The following AOAH variants were observed in gnomAD, a reference collection of about 807,000 sequenced individuals.
AOAH encodes the protein acyloxyacyl hydrolase, also known as acyloxyacyl hydrolase (neutrophil).
Under a neutral mutation model 92.2 loss-of-function variants are expected in AOAH, and 64 were observed. The ratio of observed to expected loss-of-function variants is 0.69; its 90% CI spans 0.57 to 0.86. The LOEUF (loss-of-function observed/expected upper bound fraction) is 0.86. Among genes scored for constraint, AOAH ranks in the 40% least tolerant of loss-of-function variants. The probability of loss-of-function intolerance (pLI) is 0.00; values close to 1 mark genes in which losing one functional copy is unlikely to be tolerated. For missense variants in AOAH, 656 were observed against 694.6 expected, an observed-to-expected ratio of 0.94 and a Z score of 0.62; for synonymous variants, 263 against 254.5, an observed-to-expected ratio of 1.03 and a Z score of -0.32.
At chr7:36,659,327 C>G in intron 3 of AOAH, 62 bp from the exon 4 acceptor site, 1 of 1,363,882 alleles carries the variant, frequency 7.3e-7, no homozygotes, top group Non-Finnish European at 1.0e-6. Flanking sequence ...GAAACAGAAG[C>G]TACTGCAAAG....
intron 1 of AOAH, among the ~76,000 whole-genome samples, chr7:36,690,824 C>T (rs1797350386): frequency 6.6e-6 from 1 of 152,054 alleles, no homozygotes; most frequent in Non-Finnish European, 1.5e-5. Context: ...AGCAAATGGG[C>T]CCGAATAAAA....
chr7:36,600,436 G>C (rs1790471739), intron 11 of AOAH, among the ~76,000 whole-genome samples: 1 of 152,198 alleles, frequency 6.6e-6, no homozygotes, highest in South Asian at 2.1e-4. Context: ...GTTTTCTGTT[G>C]TTGAAAGAAT....
At chr7:36,666,973 TC>T (rs1389822822) in intron 3 of AOAH, among the ~76,000 whole-genome samples, 3 of 152,232 alleles carry the variant, frequency 2.0e-5, no homozygotes, top group Non-Finnish European at 4.4e-5. Flanking sequence ...GTTTTATGTC[TC>T]AGAATGTAAT....
chr7:36,555,586 T>G lies in AOAH; in HGVS notation c.1022-6111A>C, dbSNP rs372022023. On this transcript the variant is annotated intron_variant, in intron 13 of 20. Transcript: ENST00000617537. Reference sequence around the variant, plus strand: ...TACCAGTTCCTCCTTGTACCTCTGGTAGAATTCGGCTGTGAATCCATCTGG... The same window carrying G: ...TACCAGTTCCTCCTTGTACCTCTGGGAGAATTCGGCTGTGAATCCATCTGG... Among the ~76,000 whole-genome samples, 1,439 of 152,232 alleles carry G rather than the reference T, an allele frequency of 9.5e-3. 23 individuals are homozygous for G. The highest frequency in any genetic ancestry group is 0.032 in the African/African-American group (1,321 of 41,522).
intron 1 of AOAH, among the ~76,000 whole-genome samples, chr7:36,698,755 C>G (rs1413458207): frequency 1.3e-5 from 2 of 152,092 alleles, no homozygotes; most frequent in African/African-American, 4.8e-5. Flanking sequence ...AAAGATAAAT[C>G]AGTGTAATTG....
chr7:36,671,641 GCACGTGTT>G (rs1214456191), intron 3 of AOAH, among the ~76,000 whole-genome samples: 34 of 143,844 alleles, frequency 2.4e-4, no homozygotes, highest in African/African-American at 8.7e-4. Context: ...CTGTGTGTGT[GCACGTGTT>G]TGTGTGTGTG....
At position 36,533,700 on chromosome 7, in the gene AOAH, T is replaced by TG. The variant is rs767984630; in HGVS notation, c.1307-1357_1307-1356insC. Among the ~76,000 whole-genome samples, 735 of 136,502 alleles carry TG rather than the reference T, an allele frequency of 5.4e-3. 4 individuals are homozygous for TG. The highest frequency in any genetic ancestry group is 9.6e-3 in the Admixed American group (134 of 13,946). 89.6% of individuals were successfully genotyped at this position (136,502 alleles called of 152,430 possible). A position where few individuals can be genotyped will look rare whatever the true frequency, so the allele number is the denominator to read the frequency against. On this transcript the variant is annotated intron_variant, in intron 16 of 20. Transcript: ENST00000617537. ...GTGCGTGTGTGTGTGTGTGTGTGTG[T>TG]TTGTGTGTGTGTACTTTTTGTCATT...
Position 36,516,247 on chromosome 7 carries a change from TACC to T in AOAH, c.1600-2870_1600-2868del, listed in dbSNP as rs1783694064. 6.9e-6 allele frequency among the ~76,000 whole-genome samples: 1 copy of T among 144,078 alleles called. No individual in the cohort carries two copies. The highest frequency in any genetic ancestry group is 1.5e-5 in the Non-Finnish European group (1 of 66,128). 94.5% of individuals were successfully genotyped at this position (144,078 alleles called of 152,430 possible). On this transcript the variant is annotated intron_variant, in intron 20 of 20. Transcript: ENST00000617537. The surrounding 1 kb of genome is among the most constrained non-coding windows in gnomAD (Gnocchi z 5.0). ...ACACCCCACACACACCTCACACAGATACCACCACATGCACACTCACCACATACA... is the reference window on the plus strand; with the variant it reads ...ACACCCCACACACACCTCACACAGATACCACATGCACACTCACCACATACA...
At chr7:36,696,213 G>A (rs953821683) in intron 1 of AOAH, among the ~76,000 whole-genome samples, 7 of 152,148 alleles carry the variant, frequency 4.6e-5, no homozygotes, top group Non-Finnish European at 1.0e-4. Context: ...AAACCAGGTA[G>A]TGTAAATTCT....
At chr7:36,713,888 T>C (rs1023615436) in intron 1 of AOAH, among the ~76,000 whole-genome samples, 1 of 152,048 alleles carries the variant, frequency 6.6e-6, no homozygotes, top group Non-Finnish European at 1.5e-5. Context: ...AGATCTAAAA[T>C]TGACACCCTA....
chr7:36,602,760 T>C (rs1472049620), intron 11 of AOAH, among the ~76,000 whole-genome samples: 1 of 152,112 alleles, frequency 6.6e-6, no homozygotes, highest in Non-Finnish European at 1.5e-5. Flanking sequence ...TTGGGGGTAA[T>C]AACTGGAATT....
intron 1 of AOAH, among the ~76,000 whole-genome samples, chr7:36,702,566 G>A (rs1798093912): frequency 6.6e-6 from 1 of 152,110 alleles, no homozygotes. Flanking sequence ...GTTTCCTAGT[G>A]CATATAAGAG....
chr7:36,547,830 C>T (rs1256341279), intron 15 of AOAH, among the ~76,000 whole-genome samples: 1 of 152,124 alleles, frequency 6.6e-6, no homozygotes, highest in Non-Finnish European at 1.5e-5. Flanking sequence ...GCAAAATCAC[C>T]TTCTTGCTAT....
chr7:36,718,632 C>G (rs4440536), intron 1 of AOAH, among the ~76,000 whole-genome samples: 7 of 152,002 alleles, frequency 4.6e-5, no homozygotes, highest in African/African-American at 1.7e-4. Flanking sequence ...TAAGAAGAAA[C>G]AGGGTTGATA....
chr7:36,578,132 A>G (rs1245994562), intron 12 of AOAH, among the ~76,000 whole-genome samples: 4 of 152,194 alleles, frequency 2.6e-5, no homozygotes, highest in Admixed American at 2.6e-4. Context: ...TGAATAATGT[A>G]TTTATTTTTT....
At chr7:36,694,759 C>T (rs987456390) in intron 1 of AOAH, among the ~76,000 whole-genome samples, 2 of 152,024 alleles carry the variant, frequency 1.3e-5, no homozygotes, top group East Asian at 3.8e-4. Context: ...CTTCATTTTT[C>T]AACTCACTTC....
At chr7:36,558,637 G>C (rs894857015) in intron 13 of AOAH, among the ~76,000 whole-genome samples, 1 of 152,266 alleles carries the variant, frequency 6.6e-6, no homozygotes, top group Non-Finnish European at 1.5e-5. Flanking sequence ...CCCAGTTCGA[G>C]CTTCCCAGCT....
At chr7:36,680,678 A>T (rs1197557029) in intron 2 of AOAH, among the ~76,000 whole-genome samples, 2 of 152,208 alleles carry the variant, frequency 1.3e-5, no homozygotes, top group Non-Finnish European at 2.9e-5. Flanking sequence ...AAATGGAAGC[A>T]ATACTGCCCA....
chr7:36,648,119 C>T (rs1439334060), intron 4 of AOAH, among the ~76,000 whole-genome samples: 1 of 152,010 alleles, frequency 6.6e-6, no homozygotes, highest in Non-Finnish European at 1.5e-5. Context: ...GGTGATCCTC[C>T]TGCCTCAACC....
Sources: allele counts gnomAD v4.1 joint callset (sites outside exome capture counted in the v4.1 genomes callset), GRCh38; gene constraint gnomAD v4.1.1; non-coding constraint Gnocchi (gnomAD v3.1); transcripts MANE v1.5; gene names NCBI Gene and HGNC (gene_info 2026-07-23, HGNC 2026-07-21).